DISP1: variants seen among roughly 807,000 people sequenced by gnomAD.
DISP1 encodes the protein protein dispatched homolog 1.
Under a neutral mutation model 37.3 loss-of-function variants are expected in DISP1, and 30 were observed. The observed-to-expected ratio is 0.80, with a 90% confidence interval of 0.60 to 1.09. The LOEUF is 1.09. Ranked by LOEUF, DISP1 falls within the 50% of genes least tolerant of loss-of-function variation. DISP1 has a pLI of 0.00. For synonymous variants in DISP1, 634 were observed against 690.2 expected (o/e 0.92, Z 1.28); for missense variants, 1,598 against 1,879.5 (o/e 0.85, Z 2.77).
intron 3 of DISP1, among the ~76,000 whole-genome samples, chr1:222,948,360 C>T (rs1051139147): frequency 6.6e-6 from 1 of 152,168 alleles, no homozygotes; most frequent in African/African-American, 2.4e-5. Flanking sequence ...CTATCTCGTC[C>T]TTTACCCAAC....
At chr1:222,820,628 G>GTAA (rs1335977169) in intron 1 of DISP1, among the ~76,000 whole-genome samples, 1 of 152,146 alleles carries the variant, frequency 6.6e-6, no homozygotes, top group African/African-American at 2.4e-5. Flanking sequence ...CTGAATTATG[G>GTAA]TAATAATAAT....
At chr1:222,830,086 A>G (rs1299402233) in intron 1 of DISP1, among the ~76,000 whole-genome samples, 1 of 152,200 alleles carries the variant, frequency 6.6e-6, no homozygotes. Flanking sequence ...TTGCACAGCC[A>G]GTACAAACTC....
At position 222,984,541 on chromosome 1, in the gene DISP1, A is replaced by G. The variant is rs1194195945; in HGVS notation, c.539+1432A>G. On this transcript the variant is annotated intron_variant, in intron 4 of 8. Transcript: ENST00000675850. ...TATATGTTATATATAACAGGTTTAT[A>G]TGATAGATATAACATGTTGACATAC... Among the ~76,000 whole-genome samples, 8 of 150,376 alleles carry G rather than the reference A, an allele frequency of 5.3e-5. No homozygotes were observed. In the Admixed American group the frequency reaches 5.3e-4, roughly 10 times the overall value.
At position 223,003,723 on chromosome 1, in the gene DISP1, C is replaced by G; in HGVS notation, c.2326C>G (p.Arg776Gly). 1.2e-6 allele frequency: 2 copies of G among 1,614,144 alleles called. No individual in the cohort carries two copies. Among genetic ancestry groups the G allele is most frequent in the Non-Finnish European group, 1.7e-6 (2 of 1,180,032 alleles). The change falls in exon 9 of 9, where the codon CGT (arginine) becomes GGT (glycine). Residue 776 changes from arginine (R) to glycine (G), a missense_variant. By Grantham distance (125) the Arg-to-Gly change is moderately radical (BLOSUM62 -2). Transcript: ENST00000675850. The surrounding 1 kb of genome is among the most constrained non-coding windows in gnomAD (Gnocchi z 4.3). ...ATACAAAAAGCTTTTCATGTTTGAA[C>G]GTGTTCACCATGGCGAGGAGCTCCA... Reference protein sequence around the residue: ...AEYKKLFMFERVHHGEELHMP... With the variant: ...AEYKKLFMFEGVHHGEELHMP...
At chr1:222,920,533 A>G (rs1196812151) in intron 1 of DISP1, among the ~76,000 whole-genome samples, 2 of 152,188 alleles carry the variant, frequency 1.3e-5, no homozygotes, top group African/African-American at 4.8e-5. Flanking sequence ...ACATAACACT[A>G]TACTTTGTGT....
intron 1 of DISP1, among the ~76,000 whole-genome samples, chr1:222,925,653 A>G (rs1235726725): frequency 6.6e-6 from 1 of 152,160 alleles, no homozygotes; most frequent in African/African-American, 2.4e-5. Context: ...TACAGAGATG[A>G]AAGTTACCTT....
intron 3 of DISP1, among the ~76,000 whole-genome samples, chr1:222,969,392 A>G (rs1197882944): frequency 6.7e-6 from 1 of 149,614 alleles, no homozygotes; most frequent in African/African-American, 2.5e-5. Context: ...AAAAAATTAC[A>G]AAGAAAAATA....
intron 3 of DISP1, among the ~76,000 whole-genome samples, chr1:222,969,638 GA>G (rs1206542926): frequency 1.3e-5 from 2 of 151,686 alleles, no homozygotes; most frequent in Non-Finnish European, 2.9e-5. Context: ...CATGTTTTCA[GA>G]AGATTTTAAT....
rs1163877976 is a variant in DISP1 at position 223,004,161 on chromosome 1, G to T, written c.2764G>T (p.Ala922Ser). ...GTTTGATATCAATGATACTATCAGG[G>T]CAGTGGTGTTAGAGTTCCAGAGTAC... ...PRFDINDTIR[A>S]VVLEFQSTYL... is the part of the protein sequence containing the mutation. The change falls in exon 9 of 9, where the codon GCA (alanine) becomes TCA (serine). Residue 922 changes from alanine to serine, a missense_variant. Transcript: ENST00000675850. The surrounding 1 kb of genome is among the most constrained non-coding windows in gnomAD (Gnocchi z 4.9). 6.2e-7 allele frequency: 1 copy of T among 1,614,048 alleles called. No individual in the cohort carries two copies. Among genetic ancestry groups the T allele is most frequent in the African/African-American group, 1.3e-5 (1 of 74,916 alleles).
At chr1:222,888,411 C>T (rs1464907931) in intron 1 of DISP1, among the ~76,000 whole-genome samples, 3 of 152,018 alleles carry the variant, frequency 2.0e-5, no homozygotes, top group Non-Finnish European at 4.4e-5. Context: ...GCTGAAGAAG[C>T]CAATCTTAAG....
intron 2 of DISP1, among the ~76,000 whole-genome samples, chr1:222,932,668 G>T (rs1056441801): frequency 6.6e-6 from 1 of 151,974 alleles, no homozygotes; most frequent in African/African-American, 2.4e-5. Context: ...AAAGAGGAGC[G>T]CAAAGCTATG....
chr1:222,826,490 C>T (rs1327209362), intron 1 of DISP1, among the ~76,000 whole-genome samples: 2 of 149,544 alleles, frequency 1.3e-5, no homozygotes, highest in African/African-American at 5.0e-5. Context: ...GAGTGATCCT[C>T]TTGCCTCAGC....
chr1:222,819,836 G>A (rs367849020), intron 1 of DISP1, among the ~76,000 whole-genome samples: 6 of 152,018 alleles, frequency 3.9e-5, no homozygotes, highest in African/African-American at 4.8e-5. Flanking sequence ...CCACTGCGCC[G>A]AGCTAATATG....
At chr1:222,980,757 C>G (rs556873649) in intron 3 of DISP1, among the ~76,000 whole-genome samples, 2 of 152,118 alleles carry the variant, frequency 1.3e-5, no homozygotes, top group Non-Finnish European at 2.9e-5. Flanking sequence ...CTTTATAATG[C>G]TGTAAATATT....
intron 8 of DISP1, 150 bp downstream of exon 8, chr1:222,995,132 T>C: frequency 1.5e-6 from 1 of 662,246 alleles, no homozygotes; most frequent in Non-Finnish European, 2.7e-6. Flanking sequence ...AGCTTTGCAT[T>C]CTTTCAGATC....
At chr1:222,862,379 T>C (rs748576530) in intron 1 of DISP1, among the ~76,000 whole-genome samples, 1 of 152,200 alleles carries the variant, frequency 6.6e-6, no homozygotes, top group Non-Finnish European at 1.5e-5. Flanking sequence ...CACTTTAGTA[T>C]GTAGTTCCTA....
chr1:222,968,521 C>T (rs115612591), intron 3 of DISP1, among the ~76,000 whole-genome samples: 2,539 of 152,226 alleles, frequency 0.017, 64 homozygotes, highest in South Asian at 0.1. Flanking sequence ...GACGGTTCAG[C>T]CAGACTCTGG....
At chr1:222,989,267 T>G in intron 4 of DISP1, 2 of 590,846 alleles carry the variant, frequency 3.4e-6, no homozygotes, top group Non-Finnish European at 4.3e-6. Flanking sequence ...AAATAGCCAT[T>G]GCAGCAGCCA....
intron 1 of DISP1, among the ~76,000 whole-genome samples, chr1:222,863,148 A>G (rs541360961): frequency 6.6e-5 from 10 of 152,234 alleles, no homozygotes; most frequent in African/African-American, 2.4e-4. Context: ...TTACACAAAT[A>G]CGAGCAACTC....
Sources: allele counts gnomAD v4.1 joint callset (sites outside exome capture counted in the v4.1 genomes callset), GRCh38; gene constraint gnomAD v4.1.1; non-coding constraint Gnocchi (gnomAD v3.1); transcripts MANE v1.5; gene names NCBI Gene and HGNC (gene_info 2026-07-23, HGNC 2026-07-21).